Variants in CCDC3 observed in about 807,000 individuals in gnomAD.
The protein encoded by CCDC3 is coiled-coil domain-containing protein 3.
A neutral mutation model predicts 21.4 loss-of-function variants in CCDC3; 24 were observed. That is an observed-to-expected ratio of 1.12 (90% CI 0.81 to 1.58). CCDC3 has a LOEUF of 1.58. CCDC3 is among the 40% of genes most tolerant of loss of function. CCDC3 has a pLI of 0.00. For missense variants in CCDC3, 425 were observed against 360.9 expected (o/e 1.18, Z -1.44); for synonymous variants, 186 against 166.0 (o/e 1.12, Z -0.93).
At chr10:12,990,944 G>T (rs893172659) in intron 2 of CCDC3, among the ~76,000 whole-genome samples, 5 of 152,100 alleles carry the variant, frequency 3.3e-5, no homozygotes, top group Non-Finnish European at 7.4e-5. Context: ...TTTGAGTTTG[G>T]GTGCAGTATC....
At chr10:13,055,766 G>C (rs1198094340) in intron 4 of CCDC3, among the ~76,000 whole-genome samples, 1 of 152,138 alleles carries the variant, frequency 6.6e-6, no homozygotes, top group African/African-American at 2.4e-5. Context: ...CAAATTCCTG[G>C]TTACCTGCTT....
chr10:12,942,608 C>T (rs535055186), intron 2 of CCDC3, among the ~76,000 whole-genome samples: 4 of 152,316 alleles, frequency 2.6e-5, no homozygotes, highest in African/African-American at 4.8e-5. Flanking sequence ...AAGCAGGCAA[C>T]ATGGCACCGG....
chr10:12,999,699 C>T (rs969768597), intron 1 of CCDC3, among the ~76,000 whole-genome samples: 6 of 152,168 alleles, frequency 3.9e-5, no homozygotes, highest in Admixed American at 3.3e-4. Context: ...CTGAGCACCA[C>T]GGAACTATTG....
At chr10:12,990,518 C>G (rs985731496) in intron 2 of CCDC3, among the ~76,000 whole-genome samples, 1 of 152,172 alleles carries the variant, frequency 6.6e-6, no homozygotes, top group Non-Finnish European at 1.5e-5. Flanking sequence ...ATTTGATAGA[C>G]ATTTTCTTGA....
intron 2 of CCDC3, among the ~76,000 whole-genome samples, chr10:12,944,992 T>C (rs189416650): frequency 1.1e-4 from 16 of 152,314 alleles, no homozygotes; most frequent in African/African-American, 3.8e-4. Flanking sequence ...TTCTCAGGCC[T>C]AGCCAAAAAT....
At chr10:13,068,918 A>G (rs575714820) in intron 4 of CCDC3, among the ~76,000 whole-genome samples, 17 of 152,376 alleles carry the variant, frequency 1.1e-4, no homozygotes, top group African/African-American at 3.8e-4. Flanking sequence ...TTTGAATTAG[A>G]TAAGGTAAAG....
intron 3 of CCDC3, among the ~76,000 whole-genome samples, chr10:13,076,788 C>T (rs573589430): frequency 3.6e-4 from 55 of 152,334 alleles, no homozygotes; most frequent in Admixed American, 7.2e-4. Context: ...TTCCCTTGTT[C>T]TCCATTGCTT....
chr10:12,986,061 G>C (rs1259611486), intron 2 of CCDC3, among the ~76,000 whole-genome samples: 1 of 152,138 alleles, frequency 6.6e-6, no homozygotes, highest in Non-Finnish European at 1.5e-5. Flanking sequence ...GTATTTTTTA[G>C]TAGAGACAGG....
chr10:13,003,420 C>T (rs1049405276), upstream of CCDC3, among the ~76,000 whole-genome samples: 1 of 152,184 alleles, frequency 6.6e-6, no homozygotes, highest in Non-Finnish European at 1.5e-5. Flanking sequence ...TCCCAGCAAT[C>T]AGACTCCAGA....
At chr10:13,009,008 T>C (rs1397061689) in intron 5 of CCDC3, among the ~76,000 whole-genome samples, 1 of 152,186 alleles carries the variant, frequency 6.6e-6, no homozygotes, top group Non-Finnish European at 1.5e-5. Context: ...ACCCATGACA[T>C]GATCATCTGT....
intron 2 of CCDC3, among the ~76,000 whole-genome samples, chr10:12,907,123 C>G (rs761600859): frequency 1.8e-4 from 27 of 152,192 alleles, no homozygotes; most frequent in Non-Finnish European, 1.5e-5. Flanking sequence ...TAGCCTGACT[C>G]TCTCCCAGAC....
At chr10:12,950,974 CG>C (rs1834998543) in intron 2 of CCDC3, among the ~76,000 whole-genome samples, 1 of 152,142 alleles carries the variant, frequency 6.6e-6, no homozygotes, top group Admixed American at 6.5e-5. Flanking sequence ...TGGCCTTCCT[CG>C]ATAACACGAA....
At chr10:12,918,422 T>C (rs1284094056) in intron 2 of CCDC3, among the ~76,000 whole-genome samples, 2 of 152,250 alleles carry the variant, frequency 1.3e-5, no homozygotes, top group African/African-American at 2.4e-5. Flanking sequence ...AGTTATACTT[T>C]AGTTCTCTGA....
intron 5 of CCDC3, among the ~76,000 whole-genome samples, chr10:13,012,750 GA>G (rs1835998449): frequency 6.6e-6 from 1 of 152,002 alleles, no homozygotes; most frequent in Admixed American, 6.5e-5. Flanking sequence ...CAGCCTGGGG[GA>G]CAGAGTGAGA....
chr10:13,091,720 C>T (rs754026087), intron 3 of CCDC3, among the ~76,000 whole-genome samples: 1 of 151,784 alleles, frequency 6.6e-6, no homozygotes, highest in Admixed American at 6.6e-5. Flanking sequence ...CCAAGCATAA[C>T]CCCTTTTAAA....
At chr10:12,998,254 T>C (rs1774289142) in intron 2 of CCDC3, 84 bp downstream of exon 2, 5 of 1,467,986 alleles carry the variant, frequency 3.4e-6, no homozygotes, top group Non-Finnish European at 3.7e-6. Context: ...GGAAGAGTAT[T>C]CTTGATTCCT....
chr10:13,064,149 C>T (rs930855044), intron 4 of CCDC3, among the ~76,000 whole-genome samples: 2 of 152,130 alleles, frequency 1.3e-5, no homozygotes, highest in African/African-American at 4.8e-5. Flanking sequence ...TGGTCTCGAT[C>T]TCCTGACCTC....
intron 2 of CCDC3, among the ~76,000 whole-genome samples, chr10:12,917,690 A>G (rs1325043328): frequency 6.6e-6 from 1 of 152,112 alleles, no homozygotes; most frequent in East Asian, 1.9e-4. Context: ...TTTAGTGTGA[A>G]TTTCGCTTTC....
At chr10:12,987,412 C>T (rs1318087655) in intron 2 of CCDC3, among the ~76,000 whole-genome samples, 2 of 152,172 alleles carry the variant, frequency 1.3e-5, no homozygotes, top group Non-Finnish European at 2.9e-5. Context: ...ACGCCTCACA[C>T]ATAACCAATA....
Sources: gnomAD v4.1 joint callset for allele counts (sites outside exome capture counted in the v4.1 genomes callset) on GRCh38, gnomAD v4.1.1 for gene constraint, MANE v1.5 for transcripts, NCBI Gene and HGNC (gene_info 2026-07-23, HGNC 2026-07-21) for gene names.